Variants in ERICH3 observed in about 807,000 individuals in gnomAD.
ERICH3 encodes the protein glutamate-rich protein 3.
A neutral mutation model predicts 131.1 loss-of-function variants in ERICH3; 126 were observed. The ratio of observed to expected loss-of-function variants is 0.96; its 90% CI spans 0.83 to 1.11. The LOEUF (loss-of-function observed/expected upper bound fraction) is 1.11, where lower values mean the gene tolerates loss of function less well. Ranked by LOEUF, ERICH3 falls within the 50% of genes most tolerant of loss-of-function variation. ERICH3 has a pLI of 0.00. For synonymous variants in ERICH3, 695 were observed against 644.6 expected (o/e 1.08, Z -1.18); for missense variants, 2,050 against 1,810.7 (o/e 1.13, Z -2.40).
intron 13 of ERICH3, among the ~76,000 whole-genome samples, chr1:74,575,497 A>G (rs1647033671): frequency 6.6e-6 from 1 of 152,220 alleles, no homozygotes; most frequent in Non-Finnish European, 1.5e-5. Context: ...TTCACCTGAG[A>G]GAATATGGTC....
At chr1:74,607,501 G>A (rs1648458846) in intron 9 of ERICH3, among the ~76,000 whole-genome samples, 1 of 151,920 alleles carries the variant, frequency 6.6e-6, no homozygotes, top group African/African-American at 2.4e-5. Context: ...GTCAAATGTT[G>A]CTGCATCTTT....
intron 1 of ERICH3, among the ~76,000 whole-genome samples, chr1:74,657,882 A>G (rs951100865): frequency 6.6e-6 from 1 of 152,208 alleles, no homozygotes; most frequent in African/African-American, 2.4e-5. Context: ...GCAGCTTGAC[A>G]AATATGCATT....
chr1:74,619,052 A>G (rs1328327592), intron 8 of ERICH3, among the ~76,000 whole-genome samples: 1 of 152,192 alleles, frequency 6.6e-6, no homozygotes, highest in Admixed American at 6.5e-5. Flanking sequence ...CTGGCAATCA[A>G]GGGCAAGCTG....
intron 1 of ERICH3, among the ~76,000 whole-genome samples, chr1:74,652,689 G>A (rs1010022157): frequency 6.6e-6 from 1 of 151,994 alleles, no homozygotes; most frequent in Admixed American, 6.6e-5. Context: ...TGCTGCTTCA[G>A]GCCTGTGATC....
chr1:74,592,659 T>A (rs1307021106), intron 11 of ERICH3, among the ~76,000 whole-genome samples: 1 of 152,190 alleles, frequency 6.6e-6, no homozygotes, highest in East Asian at 1.9e-4. Context: ...TGAAATATAC[T>A]CTGGTTCAAG....
At chr1:74,620,618 C>T in intron 8 of ERICH3, 116 bp downstream of exon 8, 1 of 870,438 alleles carries the variant, frequency 1.1e-6, no homozygotes, top group Non-Finnish European at 1.7e-6. Flanking sequence ...GTTTATAAGT[C>T]CCTGGATATG....
intron 9 of ERICH3, among the ~76,000 whole-genome samples, chr1:74,612,403 G>A (rs558584582): frequency 2.0e-5 from 3 of 152,274 alleles, no homozygotes; most frequent in South Asian, 4.1e-4. Context: ...AAATGCACTA[G>A]CTTTTATCTT....
intron 12 of ERICH3, among the ~76,000 whole-genome samples, chr1:74,583,316 T>C (rs996934207): frequency 2.0e-5 from 3 of 152,168 alleles, no homozygotes; most frequent in Admixed American, 6.6e-5. Context: ...AAACAGTAGA[T>C]AGTATCAAAC....
chr1:74,625,953 G>C (rs891648990), intron 7 of ERICH3: 1 of 152,100 alleles, frequency 6.6e-6, no homozygotes, highest in Non-Finnish European at 1.5e-5. Context: ...CTCATTTGCT[G>C]TAAGTATAAA....
At chr1:74,636,985 GGAAA>G (rs1400237560) in intron 5 of ERICH3, among the ~76,000 whole-genome samples, 1 of 152,020 alleles carries the variant, frequency 6.6e-6, no homozygotes, top group Non-Finnish European at 1.5e-5. Flanking sequence ...TGAAATACTA[GGAAA>G]ACAAAAATAA....
intron 12 of ERICH3, chr1:74,578,154 G>A (rs943173064): frequency 6.6e-6 from 1 of 152,498 alleles, no homozygotes; most frequent in African/African-American, 2.4e-5. Flanking sequence ...CAACGCCTTG[G>A]TTTATCTGTC....
chr1:74,641,227 C>A (rs1188442963), intron 5 of ERICH3, 104 bp downstream of exon 5: 4 of 1,263,456 alleles, frequency 3.2e-6, no homozygotes, highest in Non-Finnish European at 4.4e-6. Context: ...GTAGGACTGG[C>A]AGCATTACGG....
At chr1:74,672,322 A>G (rs1646749662) in intron 1 of ERICH3, among the ~76,000 whole-genome samples, 1 of 152,252 alleles carries the variant, frequency 6.6e-6, no homozygotes, top group African/African-American at 2.4e-5. Context: ...TCAAAATGTT[A>G]AAAAGTACCT....
At chr1:74,573,800 T>C (rs1483066259) in intron 13 of ERICH3, among the ~76,000 whole-genome samples, 2 of 152,136 alleles carry the variant, frequency 1.3e-5, no homozygotes, top group South Asian at 2.1e-4. Context: ...AAAAATCTCA[T>C]GTCCCCATGT....
intron 8 of ERICH3, among the ~76,000 whole-genome samples, chr1:74,614,234 G>C (rs1648835533): frequency 6.6e-6 from 1 of 152,120 alleles, no homozygotes; most frequent in African/African-American, 2.4e-5. Context: ...CATAAGAGCT[G>C]AAGTTGATGC....
chr1:74,612,370 G>A (rs1319603302), intron 9 of ERICH3, among the ~76,000 whole-genome samples: 2 of 152,142 alleles, frequency 1.3e-5, no homozygotes, highest in Non-Finnish European at 2.9e-5. Context: ...GAAGACAGGA[G>A]AGATAGAAAG....
chr1:74,616,357 C>T lies in ERICH3; in HGVS notation c.1001-3548G>A, dbSNP rs914571076. Among the ~76,000 whole-genome samples the T allele has an allele frequency of 4.6e-5, 7 of 151,960 alleles. No homozygotes were observed. In the South Asian group the frequency reaches 6.3e-4, roughly 14 times the overall value. On this transcript the variant is annotated intron_variant, in intron 8 of 14. Transcript: ENST00000326665. ...CTAATAAGGGCAAGCAACAGGCCAGCGGACAACTAAAAATTTAAAAGGAAC... is the reference window on the plus strand; with the variant it reads ...CTAATAAGGGCAAGCAACAGGCCAGTGGACAACTAAAAATTTAAAAGGAAC...
chr1:74,581,183 C>G (rs1647171569), intron 12 of ERICH3, among the ~76,000 whole-genome samples: 2 of 152,220 alleles, frequency 1.3e-5, no homozygotes, highest in East Asian at 1.9e-4. Flanking sequence ...TTTAATCTGG[C>G]AAAAATTATC....
At position 74,601,274 on chromosome 1, in the gene ERICH3, T is replaced by C. The variant is rs565486057; in HGVS notation, c.1490-1343A>G. Among the ~76,000 whole-genome samples, 127 of 151,976 alleles carry C rather than the reference T, an allele frequency of 8.4e-4. 1 individual carries two copies. The highest frequency in any genetic ancestry group is 2.9e-3 in the African/African-American group (121 of 41,518). ...CCAAGTTATAGGATAATTCCTCACC[T>C]GACCCTGTTAACTATCAATCAATAA... On this transcript the variant is annotated intron_variant, in intron 10 of 14. Coordinates refer to ENST00000326665, the MANE Select transcript of ERICH3 (RefSeq NM_001002912.5).
Sources: gnomAD v4.1 joint callset for allele counts (sites outside exome capture counted in the v4.1 genomes callset) on GRCh38, gnomAD v4.1.1 for gene constraint, MANE v1.5 for transcripts, NCBI Gene and HGNC (gene_info 2026-07-23, HGNC 2026-07-21) for gene names.